Variants in SCART1 observed in about 807,000 individuals in gnomAD.
SCART1 encodes the protein scavenger receptor cysteine-rich domain-containing protein SCART1.
A neutral mutation model predicts 36.2 loss-of-function variants in SCART1; 62 were observed. The observed-to-expected ratio is 1.71, with a 90% CI of 1.40 to 2.12. SCART1 has a LOEUF of 2.12. Among genes scored for constraint, SCART1 ranks in the 30% most tolerant of loss-of-function variants. SCART1 has a pLI of 0.00. For missense variants in SCART1, 1,041 were observed against 540.5 expected (o/e 1.93, Z -9.18); for synonymous variants, 487 against 238.7 (o/e 2.04, Z -9.59).
chr10:133,457,531 G>A (rs1483431221), exon 3 of SCART1: 27 of 702,230 alleles, frequency 3.8e-5, no homozygotes, highest in South Asian at 1.5e-4. Context: ...AACAACTTCC[G>A]CAGCGGCTGC....
At chr10:133,464,622 G>A (rs894355653) in exon 7 of SCART1, 9 of 655,998 alleles carry the variant, frequency 1.4e-5, no homozygotes, top group Non-Finnish European at 2.5e-5. Flanking sequence ...TGGCTCTGAG[G>A]CTGCGAGGTG....
At chr10:133,463,685 GT>G (rs1238643936) in intron 6 of SCART1, among the ~76,000 whole-genome samples, 1 of 151,620 alleles carries the variant, frequency 6.6e-6, no homozygotes, top group Non-Finnish European at 1.5e-5. Flanking sequence ...CCACATTTCT[GT>G]TTTCTTTTTT....
chr10:133,460,057 GGCTGGACGA>G, exon 6 of SCART1: 1 of 511,704 alleles, frequency 2.0e-6, no homozygotes, highest in Non-Finnish European at 3.4e-6. Flanking sequence ...GGGCGCATCT[GGCTGGACGA>G]GCTGGGCTGC....
At chr10:133,456,991 T>C (rs1850624598) in intron 2 of SCART1, 4 of 533,756 alleles carry the variant, frequency 7.5e-6, no homozygotes, top group Non-Finnish European at 3.3e-6. Flanking sequence ...GACCCCCTCA[T>C]AGCGTCCTGC....
chr10:133,458,563 C>T (rs565774943), exon 4 of SCART1: 65 of 685,592 alleles, frequency 9.5e-5, no homozygotes, highest in Admixed American at 7.7e-4. Context: ...GGAGGCCTTC[C>T]GCTGTGCGGG....
chr10:133,458,027 T>C lies in SCART1; in HGVS notation c.683-333T>C, dbSNP rs192321143. ...TGCTGCGGTACCCCAGAGAGGGTGG[T>C]GCTCAGTGGACCAAGGGGTGCCCTG... is the stretch of plus-strand genomic sequence containing the variant. On this transcript the variant is annotated intron_variant, in intron 3 of 11. Transcript: ENST00000640237. The C allele has an allele frequency of 4.3e-4, 246 of 566,374 alleles. No individual in the cohort carries two copies. The African/African-American group carries it at 4.4e-3, about 10-fold the overall frequency. The allele number at this position is 566,374 out of a possible 1,614,324, so 35.1% of individuals were successfully genotyped here.
At chr10:133,467,237 A>G in exon 11 of SCART1, 3 of 702,810 alleles carry the variant, frequency 4.3e-6, no homozygotes, top group Non-Finnish European at 5.2e-6. Flanking sequence ...GAAGCCATCT[A>G]TGATGTCATT....
rs1320442761 is a variant in SCART1, at chr10:133,458,995, C to T, written c.980-26C>T. 3 of 653,772 alleles carry T rather than the reference C, an allele frequency of 4.6e-6. No homozygotes were observed. In the East Asian group the frequency reaches 8.2e-5, roughly 18 times the overall value. 40.5% of individuals were successfully genotyped at this position (653,772 alleles called of 1,614,324 possible). On this transcript the variant is annotated intron_variant, in intron 4 of 11. Transcript: ENST00000640237. The stretch of plus-strand genomic sequence containing the variant: ...ATGTTCTGGGTCGGCCGTCTGCAAG[C>T]CAGGCTGACTCCTCCTCTCCCCCAG...
At position 133,467,373 on chromosome 10, in the gene SCART1, CAG is replaced by C. The variant is rs757225905; in HGVS notation, c.2962+21_2962+22del. On this transcript the variant is annotated intron_variant, in intron 11 of 11. Transcript: ENST00000640237. The stretch of plus-strand genomic sequence containing the variant: ...CCGCAGGTGGGTTTGTGCTCCAGCT[CAG>C]GGGTGAGCTCTGGGGTGGGCTACGG... 8.6e-6 allele frequency: 6 copies of C among 693,938 alleles called. 1 individual carries two copies. Among genetic ancestry groups the C allele is most frequent in the South Asian group, 7.6e-5 (5 of 65,852 alleles). 43.0% of individuals were successfully genotyped at this position (693,938 alleles called of 1,614,324 possible).
At chr10:133,459,526 G>T (rs779186455) in exon 6 of SCART1, 3 of 678,486 alleles carry the variant, frequency 4.4e-6, no homozygotes, top group South Asian at 1.6e-5. Context: ...GGACAGAGCC[G>T]CTGTGACGGC....
In SCART1 at chr10:133,466,658, C is replaced by A. The variant is rs79340170; in HGVS notation, c.2806+277C>A. Among the ~76,000 whole-genome samples the A allele has an allele frequency of 2.8e-3, 428 of 152,330 alleles. 3 individuals carry two copies. The highest frequency in any genetic ancestry group is 9.5e-3 in the African/African-American group (393 of 41,568). ...AGACGGTGGATGCCCATATTATCAT[C>A]CCTCACAACTAGAACTTATATACCT... On this transcript the variant is annotated intron_variant, in intron 10 of 11. Coordinates refer to ENST00000640237, the Ensembl canonical transcript of SCART1.
At chr10:133,457,553 G>A in exon 3 of SCART1, 1 of 701,110 alleles carries the variant, frequency 1.4e-6, no homozygotes, top group South Asian at 1.5e-5. Context: ...ACCTGCGGCT[G>A]GACGCAGAGG....
chr10:133,464,671 A>G (rs1225945362), exon 7 of SCART1: 7 of 694,200 alleles, frequency 1.0e-5, no homozygotes, highest in Non-Finnish European at 1.8e-5. Context: ...CGTGTTCTAC[A>G]ATGGGACCTG....
intron 6 of SCART1, among the ~76,000 whole-genome samples, chr10:133,460,478 A>ATC (rs1850685426): frequency 7.3e-6 from 1 of 136,746 alleles, no homozygotes; most frequent in South Asian, 2.3e-4. Context: ...ATTCATATAT[A>ATC]TATATATATA....
exon 6 of SCART1, chr10:133,459,743 C>T (rs1264091046): frequency 8.6e-6 from 6 of 698,734 alleles, no homozygotes; most frequent in Non-Finnish European, 1.6e-5. Flanking sequence ...CTCAGTGCAA[C>T]GTGTCCGCGA....
At chr10:133,465,075 G>T (rs773002437) in intron 7 of SCART1, 31 bp from the exon 8 acceptor site, 1 of 702,822 alleles carries the variant, frequency 1.4e-6, no homozygotes, top group South Asian at 1.5e-5. Flanking sequence ...TCTGGGCACC[G>T]AAGCTCTCAG....
At chr10:133,468,973 T>C (rs917767178) in exon 12 of SCART1, 3 of 152,212 alleles carry the variant, frequency 2.0e-5, no homozygotes, top group South Asian at 2.1e-4. Context: ...TTAAAAAATA[T>C]TTGCTAATTT....
chr10:133,457,262 C>T lies in SCART1; in HGVS notation c.386-17C>T, dbSNP rs548110355. 63 of 699,864 alleles carry T rather than the reference C, an allele frequency of 9.0e-5. No individual in the cohort carries two copies. The highest frequency in any genetic ancestry group is 7.3e-4 in the African/African-American group (42 of 57,256). 43.4% of individuals were successfully genotyped at this position (699,864 alleles called of 1,614,324 possible). The stretch of plus-strand genomic sequence containing the variant: ...GCTGGGTCCATACCTTAAGGAGGAC[C>T]GGCCTGTGCTCCACAGACGGCACTT... On this transcript the variant is annotated splice_polypyrimidine_tract_variant and intron_variant, in intron 2 of 11. Coordinates refer to ENST00000640237, the Ensembl canonical transcript of SCART1.
intron 3 of SCART1, 100 bp downstream of exon 3, chr10:133,457,675 GC>G: frequency 3.4e-6 from 2 of 592,812 alleles, no homozygotes; most frequent in Non-Finnish European, 6.0e-6. Flanking sequence ...CCACGGATGG[GC>G]CCCCCTGTCC....
Sources: allele counts gnomAD v4.1 joint callset (sites outside exome capture counted in the v4.1 genomes callset), GRCh38; gene constraint gnomAD v4.1.1; transcripts MANE v1.5; gene names NCBI Gene and HGNC (gene_info 2026-07-23, HGNC 2026-07-21).